The following PTGER3 variants were observed in gnomAD, a reference collection of about 807,000 sequenced individuals.
PTGER3 encodes prostaglandin E receptor 3.
A neutral mutation model predicts 34.7 loss-of-function variants in PTGER3; 22 were observed. The ratio of observed to expected loss-of-function variants is 0.63; its 90% CI spans 0.45 to 0.91. The LOEUF (loss-of-function observed/expected upper bound fraction) is 0.91. Ranked by LOEUF, PTGER3 falls within the 40% of genes least tolerant of loss-of-function variation. The probability of loss-of-function intolerance (pLI) is 0.00; values close to 1 mark genes in which losing one functional copy is unlikely to be tolerated. For synonymous variants in PTGER3, 241 were observed against 230.1 expected (o/e 1.05, Z -0.43); for missense variants, 468 against 519.4 (o/e 0.90, Z 0.96).
At chr1:70,977,078 C>A in intron 2 of PTGER3, among the ~76,000 whole-genome samples, 1 of 152,100 alleles carries the variant, frequency 6.6e-6, no homozygotes, top group East Asian at 1.9e-4. Flanking sequence ...TAAAATAATT[C>A]AGTTAAGGTG....
chr1:70,959,718 C>T (rs554865840), intron 2 of PTGER3, among the ~76,000 whole-genome samples: 6 of 152,090 alleles, frequency 3.9e-5, no homozygotes, highest in East Asian at 3.9e-4. Context: ...CCAGGGCTGA[C>T]GTGTCATTGA....
chr1:71,008,002 AAC>A, intron 2 of PTGER3: 2 of 985,254 alleles, frequency 2.0e-6, no homozygotes, highest in Non-Finnish European at 2.4e-6. Flanking sequence ...CTTACTACAC[AAC>A]AGATTCTGAT....
intron 2 of PTGER3, 49 bp downstream of exon 2, chr1:71,012,256 G>T: frequency 6.2e-7 from 1 of 1,613,936 alleles, no homozygotes; most frequent in Non-Finnish European, 8.5e-7. Flanking sequence ...AATGAGATAG[G>T]CTGCCCTTTC....
At chr1:70,937,599 T>C (rs2100528118) in intron 4 of PTGER3, among the ~76,000 whole-genome samples, 1 of 152,294 alleles carries the variant, frequency 6.6e-6, no homozygotes, top group East Asian at 1.9e-4. Context: ...TACTTGAAAC[T>C]GCCTTTTAGG....
chr1:70,983,125 G>A (rs1048281607), intron 2 of PTGER3, among the ~76,000 whole-genome samples: 1 of 152,002 alleles, frequency 6.6e-6, no homozygotes. Flanking sequence ...AGATCAGAGA[G>A]AGCCTGAAGG....
intron 1 of PTGER3, among the ~76,000 whole-genome samples, chr1:71,032,187 A>G (rs1203087051): frequency 2.0e-5 from 3 of 152,314 alleles, no homozygotes; most frequent in Non-Finnish European, 1.5e-5. Context: ...TCATCTCACT[A>G]TGGTGTTAAT....
chr1:70,953,342 C>A (rs996687768), intron 3 of PTGER3, among the ~76,000 whole-genome samples: 4 of 152,080 alleles, frequency 2.6e-5, no homozygotes, highest in African/African-American at 9.7e-5. Flanking sequence ...TACCGAGGAA[C>A]AACCATACTT....
At chr1:71,017,368 A>G (rs1221657598) in intron 1 of PTGER3, among the ~76,000 whole-genome samples, 2 of 152,174 alleles carry the variant, frequency 1.3e-5, no homozygotes, top group African/African-American at 4.8e-5. Context: ...CTTTTCTCTC[A>G]GAGACTTAAA....
intron 2 of PTGER3, among the ~76,000 whole-genome samples, chr1:71,003,811 C>A (rs1178121733): frequency 1.3e-5 from 2 of 152,160 alleles, no homozygotes; most frequent in Non-Finnish European, 2.9e-5. Context: ...ACGTGGAAAG[C>A]TTTGCAGTTC....
At position 70,996,307 on chromosome 1, in the gene PTGER3, A is replaced by C. The variant is rs115792944; in HGVS notation, c.1077+15998T>G. On this transcript the variant is annotated intron_variant, in intron 2 of 3. Coordinates refer to ENST00000306666, the MANE Select transcript of PTGER3 (RefSeq NM_198719.2). ...TTAGGCTTGACTTACCTAAAAAAAA[A>C]ATACCCATTCTATCCTACTCTCTGA... Among the ~76,000 whole-genome samples, 461 of 152,258 alleles carry C rather than the reference A, an allele frequency of 3.0e-3. 3 individuals are homozygous for C. The highest frequency in any genetic ancestry group is 0.011 in the African/African-American group (436 of 41,522).
chr1:70,959,436 C>A (rs554840546), intron 2 of PTGER3, among the ~76,000 whole-genome samples: 1 of 151,552 alleles, frequency 6.6e-6, no homozygotes, highest in African/African-American at 2.4e-5. Context: ...TCACTGCAAC[C>A]TCCACCTCCC....
At chr1:71,035,945 A>G (rs536630143) in intron 1 of PTGER3, among the ~76,000 whole-genome samples, 1 of 152,332 alleles carries the variant, frequency 6.6e-6, no homozygotes, top group East Asian at 1.9e-4. Flanking sequence ...ATGCATCAGT[A>G]GGAGATCTTC....
intron 2 of PTGER3, among the ~76,000 whole-genome samples, chr1:70,959,779 T>A (rs953916785): frequency 2.0e-5 from 3 of 152,152 alleles, no homozygotes; most frequent in Non-Finnish European, 1.5e-5. Context: ...CAACATCATG[T>A]CAGGTCTTTA....
chr1:71,029,954 A>G (rs1477505601), intron 1 of PTGER3, among the ~76,000 whole-genome samples: 1 of 147,810 alleles, frequency 6.8e-6, no homozygotes, highest in Non-Finnish European at 1.5e-5. Context: ...TAATAATAAT[A>G]ATAATAACAA....
At chr1:70,861,516 T>C (rs865775480) in intron 4 of PTGER3, among the ~76,000 whole-genome samples, 7 of 152,228 alleles carry the variant, frequency 4.6e-5, no homozygotes, top group African/African-American at 7.2e-5. Context: ...TTGTAGACTT[T>C]GCTAGGCTAC....
intron 4 of PTGER3, among the ~76,000 whole-genome samples, chr1:70,945,970 A>G (rs1365060033): frequency 1.3e-5 from 2 of 152,144 alleles, no homozygotes; most frequent in East Asian, 3.8e-4. Flanking sequence ...TGCACAGCTA[A>G]CATTGGAAAG....
At chr1:70,864,792 C>A (rs570448409) in intron 4 of PTGER3, among the ~76,000 whole-genome samples, 1 of 152,308 alleles carries the variant, frequency 6.6e-6, no homozygotes, top group Non-Finnish European at 1.5e-5. Context: ...CATTTTATAG[C>A]TAAGTTTTGT....
chr1:70,952,649 G>C (rs2100589184), exon 4 of PTGER3: 1 of 1,089,614 alleles, frequency 9.2e-7, no homozygotes, highest in East Asian at 5.7e-5. Flanking sequence ...TAAAGCAGCA[G>C]TCTTGGCAAT....
intron 4 of PTGER3, among the ~76,000 whole-genome samples, chr1:70,864,255 A>T (rs746216575): frequency 7.9e-5 from 12 of 152,002 alleles, no homozygotes; most frequent in Admixed American, 2.0e-4. Flanking sequence ...GACTCCTATT[A>T]TATATATCAC....
Sources: gnomAD v4.1 joint callset for allele counts (sites outside exome capture counted in the v4.1 genomes callset) on GRCh38, gnomAD v4.1.1 for gene constraint, MANE v1.5 for transcripts, NCBI Gene and HGNC (gene_info 2026-07-23, HGNC 2026-07-21) for gene names.